The following MCF2L2 variants were observed in gnomAD, a reference collection of about 807,000 sequenced individuals.
MCF2L2 encodes the protein MCF.2 cell line derived transforming sequence-like 2, also known as probable guanine nucleotide exchange factor MCF2L2.
Under a neutral mutation model 150.2 loss-of-function variants are expected in MCF2L2, and 102 were observed. The observed-to-expected ratio is 0.68, with a 90% CI of 0.58 to 0.80. The LOEUF (loss-of-function observed/expected upper bound fraction) is 0.80. MCF2L2 is among the 30% of genes least tolerant of loss of function. The pLI, the probability that MCF2L2 is intolerant of heterozygous loss-of-function variation, is 0.00. For synonymous variants in MCF2L2, 465 were observed against 491.3 expected (o/e 0.95, Z 0.71); for missense variants, 1,256 against 1,372.8 (o/e 0.91, Z 1.34).
At chr3:183,350,998 A>G (rs1438346510) in intron 3 of MCF2L2, among the ~76,000 whole-genome samples, 1 of 151,666 alleles carries the variant, frequency 6.6e-6, no homozygotes, top group Non-Finnish European at 1.5e-5. Context: ...AAATATTGTA[A>G]CACTATACTC....
At chr3:183,246,782 G>T (rs780990245) in intron 15 of MCF2L2, among the ~76,000 whole-genome samples, 1 of 152,018 alleles carries the variant, frequency 6.6e-6, no homozygotes, top group Non-Finnish European at 1.5e-5. Context: ...TACAGCAGCC[G>T]CATCTTTTAT....
chr3:183,269,229 G>GTTTTTTTTTTTTTT (rs1305607255), intron 15 of MCF2L2, among the ~76,000 whole-genome samples: 1 of 77,020 alleles, frequency 1.3e-5, no homozygotes, highest in African/African-American at 1.1e-4. Flanking sequence ...CGTTTGGGAA[G>GTTTTTTTTTTTTTT]CTTTTTTTTT....
At position 183,284,035 on chromosome 3, in the gene MCF2L2, T is replaced by A. The variant is rs1378389450; in HGVS notation, c.1776+5085A>T. ...AGGCCTGATGATACAATCATTTTCA[T>A]ATGACTCACAGCAATTGCCTTAGTA... On this transcript the variant is annotated intron_variant, in intron 14 of 29. Coordinates refer to ENST00000328913, the MANE Select transcript of MCF2L2 (RefSeq NM_015078.4). Among the ~76,000 whole-genome samples the A allele has an allele frequency of 5.3e-5, 8 of 152,346 alleles. No individual in the cohort carries two copies. The East Asian group carries it at 1.3e-3, about 26-fold the overall frequency.
chr3:183,296,759 T>C, intron 12 of MCF2L2: 1 of 528,852 alleles, frequency 1.9e-6, no homozygotes, highest in Non-Finnish European at 3.4e-6. Context: ...TCATAAGCAT[T>C]AATAGAGAAA....
chr3:183,383,832 C>T (rs1472777934), intron 2 of MCF2L2, among the ~76,000 whole-genome samples: 1 of 152,050 alleles, frequency 6.6e-6, no homozygotes, highest in Non-Finnish European at 1.5e-5. Flanking sequence ...TTTTCCCTTC[C>T]TGGGCATATA....
Position 183,296,621 on chromosome 3 carries a change from G to C in MCF2L2, c.1497+355C>G, listed in dbSNP as rs191482241. 1.6e-5 allele frequency: 3 copies of C among 187,742 alleles called. No homozygotes were observed. The Admixed American group carries it at 1.6e-4, about 10-fold the overall frequency. 11.6% of individuals were successfully genotyped at this position (187,742 alleles called of 1,614,324 possible). A position where few individuals can be genotyped will look rare whatever the true frequency, so the allele number is the denominator to read the frequency against. On this transcript the variant is annotated intron_variant, in intron 12 of 29. Coordinates refer to ENST00000328913, the MANE Select transcript of MCF2L2 (RefSeq NM_015078.4). ...TTATATCAGCTTGTAACACATTTTTGTGTGATTATTTTGTTAATGTCAGCC... is the reference window on the plus strand; with the variant it reads ...TTATATCAGCTTGTAACACATTTTTCTGTGATTATTTTGTTAATGTCAGCC...
In MCF2L2 at chr3:183,230,136, C is replaced by T. The variant is rs534788984; in HGVS notation, c.1930-355G>A. On this transcript the variant is annotated intron_variant, in intron 16 of 29. Coordinates refer to ENST00000328913, the MANE Select transcript of MCF2L2 (RefSeq NM_015078.4). ...ATTATGATTATTATTAATATTGAGACGAAGTTTTGCTCTTCTTCCCAGGCT... is the reference window on the plus strand; with the variant it reads ...ATTATGATTATTATTAATATTGAGATGAAGTTTTGCTCTTCTTCCCAGGCT... 4.6e-5 allele frequency among the ~76,000 whole-genome samples: 7 copies of T among 152,128 alleles called. No individual in the cohort carries two copies. The South Asian group carries it at 6.2e-4, about 14-fold the overall frequency.
At chr3:183,425,624 G>A (rs1205034004) in intron 1 of MCF2L2, among the ~76,000 whole-genome samples, 3 of 152,166 alleles carry the variant, frequency 2.0e-5, no homozygotes, top group Non-Finnish European at 4.4e-5. Context: ...CCCCCAGTAG[G>A]GGATATGAAG....
At chr3:183,309,684 C>A in intron 10 of MCF2L2, 32 bp downstream of exon 10, 1 of 1,613,966 alleles carries the variant, frequency 6.2e-7, no homozygotes, top group South Asian at 1.1e-5. Flanking sequence ...AGCAACCTCC[C>A]TCCCAGTACA....
In MCF2L2 at chr3:183,414,865, TTC is replaced by T. The variant is rs562701658; in HGVS notation, c.76+13035_76+13036del. Among the ~76,000 whole-genome samples the T allele has an allele frequency of 7.2e-5, 11 of 152,378 alleles. No individual in the cohort carries two copies. In the East Asian group the frequency reaches 1.3e-3, roughly 19 times the overall value. ...CATTTTTGTGAATTTTCACATTTCCTTCTGTTGTTGATTTCTAATTTTATTCC... is the reference window on the plus strand; with the variant it reads ...CATTTTTGTGAATTTTCACATTTCCTTGTTGTTGATTTCTAATTTTATTCC... On this transcript the variant is annotated intron_variant, in intron 1 of 29. Transcript: ENST00000328913.
chr3:183,294,258 C>T (rs895285881), intron 13 of MCF2L2, among the ~76,000 whole-genome samples: 1 of 152,180 alleles, frequency 6.6e-6, no homozygotes, highest in Non-Finnish European at 1.5e-5. Flanking sequence ...AATTTTACTA[C>T]TCCATTGCTA....
chr3:183,291,499 G>A (rs188063562), intron 13 of MCF2L2, among the ~76,000 whole-genome samples: 4 of 152,256 alleles, frequency 2.6e-5, no homozygotes, highest in Admixed American at 6.5e-5. Context: ...GTTTTTTCAC[G>A]TTCCTTATGA....
intron 15 of MCF2L2, among the ~76,000 whole-genome samples, chr3:183,250,507 A>T (rs1054048630): frequency 2.0e-5 from 3 of 152,042 alleles, no homozygotes; most frequent in Non-Finnish European, 4.4e-5. Flanking sequence ...GAGTCACTTG[A>T]ACCCGGGAGG....
intron 15 of MCF2L2, among the ~76,000 whole-genome samples, chr3:183,266,790 C>CTTTTTTTTTTT (rs113393313): frequency 7.0e-6 from 1 of 143,728 alleles, no homozygotes. Context: ...GTGTTTCAGT[C>CTTTTTTTTTTT]TTTTTTTTTT....
chr3:183,261,377 G>A (rs1024611302), intron 15 of MCF2L2, among the ~76,000 whole-genome samples: 24 of 151,988 alleles, frequency 1.6e-4, no homozygotes, highest in Non-Finnish European at 2.5e-4. Context: ...GCATAAAGAT[G>A]GTACAGAAGA....
chr3:183,247,834 A>G (rs564165944), intron 15 of MCF2L2, among the ~76,000 whole-genome samples: 4 of 152,322 alleles, frequency 2.6e-5, no homozygotes, highest in African/African-American at 9.6e-5. Context: ...ACCATTTTAC[A>G]TAAGAGACTT....
At chr3:183,221,744 G>A (rs559597613) in intron 20 of MCF2L2, among the ~76,000 whole-genome samples, 20 of 152,274 alleles carry the variant, frequency 1.3e-4, no homozygotes, top group African/African-American at 3.9e-4. Context: ...GGTGCTGCTC[G>A]CTGAAAGAAG....
intron 1 of MCF2L2, among the ~76,000 whole-genome samples, chr3:183,417,240 T>C (rs1346016645): frequency 3.3e-5 from 5 of 152,082 alleles, no homozygotes; most frequent in African/African-American, 1.2e-4. Flanking sequence ...TCCAGAGATT[T>C]TGGTAAACAC....
At chr3:183,191,031 G>A (rs996156318) in intron 27 of MCF2L2, among the ~76,000 whole-genome samples, 9 of 152,006 alleles carry the variant, frequency 5.9e-5, no homozygotes, top group African/African-American at 1.9e-4. Flanking sequence ...GATTACAGGC[G>A]TGTACCACCA....
Sources: gnomAD v4.1 joint callset for allele counts (sites outside exome capture counted in the v4.1 genomes callset) on GRCh38, gnomAD v4.1.1 for gene constraint, MANE v1.5 for transcripts, NCBI Gene and HGNC (gene_info 2026-07-23, HGNC 2026-07-21) for gene names.